Variants in KAT7 observed in about 807,000 individuals in gnomAD.
KAT7 encodes histone acetyltransferase KAT7.
Under a neutral mutation model 82.1 loss-of-function variants are expected in KAT7, and 10 were observed. The observed-to-expected ratio is 0.12, with a 90% confidence interval of 0.08 to 0.21. The LOEUF is 0.21. KAT7 is among the 10% of genes least tolerant of loss of function. The pLI, the probability that KAT7 is intolerant of heterozygous loss-of-function variation, is 1.00. For missense variants in KAT7, 378 were observed against 760.9 expected (o/e 0.50, Z 5.92); for synonymous variants, 250 against 262.5 (o/e 0.95, Z 0.46).
In KAT7 at chr17:49,821,387, T is replaced by C. The variant is rs1436485355; in HGVS notation, c.1206T>C (p.Gly402=). Reference sequence around the variant, plus strand: ...CTGGTGATGAGATATATCGCAAAGGTTCAATCTCTGTGTTTGAAGTGGATG... The same window carrying C: ...CTGGTGATGAGATATATCGCAAAGGCTCAATCTCTGTGTTTGAAGTGGATG... ...HPPGDEIYRK[G]SISVFEVDGK... is the part of the protein sequence containing the mutation. The change falls in exon 10 of 15, where the codon GGT becomes GGC. Residue 402 remains glycine (G), a synonymous_variant. Transcript: ENST00000259021. 1.9e-6 allele frequency: 3 copies of C among 1,613,680 alleles called. No individual in the cohort carries two copies. Among genetic ancestry groups the C allele is most frequent in the Non-Finnish European group, 2.5e-6 (3 of 1,179,986 alleles).
intron 5 of KAT7, 94 bp downstream of exon 5, chr17:49,805,539 G>T: frequency 1.3e-6 from 1 of 766,444 alleles, no homozygotes; most frequent in Non-Finnish European, 2.2e-6. Context: ...TGGCCAACAA[G>T]ATGGGTAGGG....
chr17:49,792,026 T>C lies in KAT7; in HGVS notation c.156T>C (p.Ser52=), dbSNP rs1326733727. 1 of 1,613,588 alleles carries C rather than the reference T, an allele frequency of 6.2e-7. No homozygotes were observed. Among genetic ancestry groups the C allele is most frequent in the South Asian group, 1.1e-5 (1 of 91,064 alleles). Reference sequence around the variant, plus strand: ...GCTCCTCAGCCAGGCTAAGCCAGAGTTCTCAAGGTAAAAAAACCTTCATTT... The same window carrying C: ...GCTCCTCAGCCAGGCTAAGCCAGAGCTCTCAAGGTAAAAAAACCTTCATTT... ...VTRSSARLSQ[S]SQDSSPVRNL... Residue 52 remains serine (S), a synonymous_variant, in exon 2 of 15, where the codon AGT becomes AGC. Transcript: ENST00000259021.
intron 8 of KAT7, among the ~76,000 whole-genome samples, chr17:49,816,839 T>C (rs934172252): frequency 6.6e-6 from 1 of 151,802 alleles, no homozygotes; most frequent in Non-Finnish European, 1.5e-5. Context: ...TGAGACAGGG[T>C]TTTGCCCTGT....
chr17:49,799,483 C>G (rs1017433980), intron 4 of KAT7, among the ~76,000 whole-genome samples: 2 of 151,982 alleles, frequency 1.3e-5, no homozygotes, highest in African/African-American at 4.8e-5. Context: ...CAGGTTCAAG[C>G]GATTCTCCTG....
intron 12 of KAT7, chr17:49,824,351 C>CTTCTTTCT (rs369358731): frequency 6.6e-6 from 1 of 151,972 alleles, no homozygotes; most frequent in Non-Finnish European, 1.5e-5. Flanking sequence ...CCTTCCAAGC[C>CTTCTTTCT]TTCTTTCTTT....
Position 49,827,751 on chromosome 17 carries a change from G to A in KAT7, c.*249G>A. 1.9e-6 allele frequency: 1 copy of A among 519,248 alleles called. No individual in the cohort carries two copies. The highest frequency in any genetic ancestry group is 3.3e-5 in the Admixed American group (1 of 30,088). The allele number at this position is 519,248 out of a possible 1,614,324, so 32.2% of individuals were successfully genotyped here. A position where few individuals can be genotyped will look rare whatever the true frequency, so the allele number is the denominator to read the frequency against. On this transcript the variant is annotated 3_prime_UTR_variant, in exon 15 of 15. Transcript: ENST00000259021. ...ATTAGACTTGAGTGCAGGTCTCTCAGCACTGACCCAAGGAGTTCTGTTATG... is the reference window on the plus strand; with the variant it reads ...ATTAGACTTGAGTGCAGGTCTCTCAACACTGACCCAAGGAGTTCTGTTATG...
chr17:49,798,205 A>T, intron 3 of KAT7, 114 bp from the exon 4 acceptor site: 1 of 932,316 alleles, frequency 1.1e-6, no homozygotes, highest in African/African-American at 1.7e-5. Flanking sequence ...TGAATAGCTG[A>T]AAGTTACTGG....
chr17:49,824,679 G>A (rs773809278), intron 12 of KAT7: 1 of 152,174 alleles, frequency 6.6e-6, no homozygotes, highest in Non-Finnish European at 1.5e-5. Flanking sequence ...TCATTTTTAA[G>A]TCACCTGAGA....
At chr17:49,793,938 A>C (rs578147503) in intron 2 of KAT7, among the ~76,000 whole-genome samples, 1 of 152,180 alleles carries the variant, frequency 6.6e-6, no homozygotes, top group South Asian at 2.1e-4. Flanking sequence ...CAAGCAAGAA[A>C]GTGGGAATAT....
chr17:49,798,183 C>T, intron 3 of KAT7, 136 bp from the exon 4 acceptor site: 2 of 707,132 alleles, frequency 2.8e-6, no homozygotes, highest in Non-Finnish European at 4.6e-6. Flanking sequence ...TTCCATTTAG[C>T]CATCTAGCAG....
intron 4 of KAT7, among the ~76,000 whole-genome samples, chr17:49,801,698 C>A (rs2074026491): frequency 6.6e-6 from 1 of 152,118 alleles, no homozygotes; most frequent in Non-Finnish European, 1.5e-5. Context: ...CCATGTTGCC[C>A]AGGCTGGTCT....
chr17:49,811,577 G>T lies in KAT7; in HGVS notation c.852+3G>T. Reference sequence around the variant, plus strand: ...AAGAACAGAAAGAGAAATATATGGTGAGGGAAAGTTAAATATTTAATGAGC... The same window carrying T: ...AAGAACAGAAAGAGAAATATATGGTTAGGGAAAGTTAAATATTTAATGAGC... On this transcript the variant is annotated splice_donor_region_variant and intron_variant, in intron 7 of 14. Transcript: ENST00000259021. 7.0e-7 allele frequency: 1 copy of T among 1,425,254 alleles called. No homozygotes were observed. The highest frequency in any genetic ancestry group is 9.5e-7 in the Non-Finnish European group (1 of 1,055,126). The allele number at this position is 1,425,254 out of a possible 1,614,324, so 88.3% of individuals were successfully genotyped here. A position where few individuals can be genotyped will look rare whatever the true frequency, so the allele number is the denominator to read the frequency against.
intron 4 of KAT7, 41 bp from the exon 5 acceptor site, chr17:49,805,322 T>G: frequency 7.3e-7 from 1 of 1,369,442 alleles, no homozygotes; most frequent in Non-Finnish European, 1.0e-6. Flanking sequence ...CTTTCTAAGC[T>G]TGTCTTCTTT....
Position 49,827,821 on chromosome 17 carries a change from G to T in KAT7, c.*319G>T. On this transcript the variant is annotated 3_prime_UTR_variant, in exon 15 of 15. Transcript: ENST00000259021. ...ACTGGTTCTCTCCTCATGTCCTCTC[G>T]CCCCATGAGGTTGTGTTGTGTCTTC... The T allele has an allele frequency of 7.2e-6, 2 of 279,512 alleles. No individual in the cohort carries two copies. The highest frequency in any genetic ancestry group is 6.7e-6 in the Non-Finnish European group (1 of 148,574). The allele number at this position is 279,512 out of a possible 1,614,324, so 17.3% of individuals were successfully genotyped here.
At chr17:49,806,513 C>G (rs1046200219) in intron 5 of KAT7, among the ~76,000 whole-genome samples, 2 of 152,108 alleles carry the variant, frequency 1.3e-5, no homozygotes, top group Non-Finnish European at 2.9e-5. Flanking sequence ...GGGACTAAAT[C>G]AAAACAGAAA....
chr17:49,807,060 A>T (rs1269614874), intron 5 of KAT7, among the ~76,000 whole-genome samples: 1 of 152,216 alleles, frequency 6.6e-6, no homozygotes, highest in East Asian at 1.9e-4. Context: ...GCGATCAGTG[A>T]TGTTACATTT....
chr17:49,821,673 G>A lies in KAT7; in HGVS notation c.1269G>A (p.Leu423=). Residue 423 remains leucine (L), a synonymous_variant, in exon 11 of 15, where the codon CTG becomes CTA. Coordinates refer to ENST00000259021, the MANE Select transcript of KAT7 (RefSeq NM_007067.5). ...AGATCTACTGCCAAAACCTGTGCCT[G>A]TTGGCCAAACTTTTTCTGGACCACA... ...KNKIYCQNLC[L]LAKLFLDHKT... 1 of 1,613,566 alleles carries A rather than the reference G, an allele frequency of 6.2e-7. No homozygotes were observed. The highest frequency in any genetic ancestry group is 8.5e-7 in the Non-Finnish European group (1 of 1,180,000).
chr17:49,805,307 T>C, intron 4 of KAT7, 56 bp from the exon 5 acceptor site: 2 of 1,214,548 alleles, frequency 1.6e-6, no homozygotes, highest in South Asian at 2.4e-5. Flanking sequence ...TAGAGAAACA[T>C]ACTACTTTCT....
intron 2 of KAT7, among the ~76,000 whole-genome samples, chr17:49,794,388 G>T (rs1183473917): frequency 6.6e-6 from 1 of 152,152 alleles, no homozygotes; most frequent in Non-Finnish European, 1.5e-5. Flanking sequence ...TGGGTTCAAG[G>T]AATTCTCCTG....
Sources: gnomAD v4.1 joint callset for allele counts (sites outside exome capture counted in the v4.1 genomes callset) on GRCh38, gnomAD v4.1.1 for gene constraint, MANE v1.5 for transcripts, NCBI Gene and HGNC (gene_info 2026-07-23, HGNC 2026-07-21) for gene names.